The following GPHN variants were observed in gnomAD, a reference collection of about 807,000 sequenced individuals.
GPHN encodes gephyrin.
A neutral mutation model predicts 95.5 loss-of-function variants in GPHN; 17 were observed. That is an observed-to-expected ratio of 0.18 (90% confidence interval 0.12 to 0.27). The LOEUF (loss-of-function observed/expected upper bound fraction) is 0.27. Among genes scored for constraint, GPHN ranks in the 10% least tolerant of loss-of-function variants. The probability of loss-of-function intolerance (pLI) is 1.00; values close to 1 mark genes in which losing one functional copy is unlikely to be tolerated. For missense variants in GPHN, 660 were observed against 978.1 expected, an observed-to-expected ratio of 0.67 and a Z score of 4.34; for synonymous variants, 320 against 322.5, an observed-to-expected ratio of 0.99 and a Z score of 0.08.
intron 1 of GPHN, among the ~76,000 whole-genome samples, chr14:66,565,005 T>A (rs1229494152): frequency 1.3e-5 from 2 of 152,238 alleles, no homozygotes; most frequent in East Asian, 3.9e-4. Context: ...TCTTTGCCCA[T>A]GTTTTTCTCT....
At chr14:66,632,632 G>T (rs189175940) in intron 1 of GPHN, among the ~76,000 whole-genome samples, 1 of 151,482 alleles carries the variant, frequency 6.6e-6, no homozygotes, top group Non-Finnish European at 1.5e-5. Flanking sequence ...AGCTGGGACT[G>T]CAGGTCTGCG....
the GPHN span, among the ~76,000 whole-genome samples, chr14:67,382,942 A>G: frequency 1.3e-5 from 2 of 151,744 alleles, no homozygotes; most frequent in Non-Finnish European, 1.5e-5. Flanking sequence ...GGTTCCTTCT[A>G]TGGAAAGGAC....
the GPHN span, among the ~76,000 whole-genome samples, chr14:67,299,092 G>C: frequency 6.6e-6 from 1 of 152,166 alleles, no homozygotes; most frequent in Admixed American, 6.5e-5. Context: ...GTTGTTTCCT[G>C]TTTATGATTC....
chr14:67,605,355 TTTTA>T, the GPHN span, among the ~76,000 whole-genome samples: 4 of 152,282 alleles, frequency 2.6e-5, no homozygotes, highest in South Asian at 2.1e-4. Context: ...AACTCTCCCT[TTTTA>T]TTTATTTATT....
At chr14:66,654,091 T>C (rs1207843767) in intron 1 of GPHN, among the ~76,000 whole-genome samples, 1 of 152,164 alleles carries the variant, frequency 6.6e-6, no homozygotes, top group East Asian at 1.9e-4. Flanking sequence ...TTTTAGTCAC[T>C]ATTTTAAAAA....
At chr14:67,637,767 A>G in the GPHN span, among the ~76,000 whole-genome samples, 1 of 152,218 alleles carries the variant, frequency 6.6e-6, no homozygotes. Context: ...AGCAACTTTC[A>G]TATTTTGTTC....
chr14:66,657,967 G>A (rs1163782874), intron 1 of GPHN, among the ~76,000 whole-genome samples: 1 of 152,144 alleles, frequency 6.6e-6, no homozygotes, highest in African/African-American at 2.4e-5. Context: ...AGGGATTGCT[G>A]TGATAGACCT....
chr14:66,758,310 G>A (rs2058639597), intron 2 of GPHN, among the ~76,000 whole-genome samples: 1 of 152,136 alleles, frequency 6.6e-6, no homozygotes, highest in South Asian at 2.1e-4. Flanking sequence ...ATCTGCCTAG[G>A]CATTTGGCTG....
the GPHN span, chr14:67,279,263 G>A: frequency 6.2e-7 from 1 of 1,613,970 alleles, no homozygotes; most frequent in Non-Finnish European, 8.5e-7. Context: ...AACATCAGAA[G>A]CACCGAGAGA....
chr14:67,311,871 A>G, the GPHN span: 4 of 152,582 alleles, frequency 2.6e-5, no homozygotes, highest in South Asian at 8.3e-4. Flanking sequence ...AGTCGTTGAT[A>G]GTGTGCTTGT....
At chr14:67,009,204 A>G (rs546895471) in intron 9 of GPHN, among the ~76,000 whole-genome samples, 4 of 151,966 alleles carry the variant, frequency 2.6e-5, no homozygotes, top group African/African-American at 9.7e-5. Context: ...AACCCATTTC[A>G]GCCACTGAGA....
Position 66,708,447 on chromosome 14 carries a change from A to G in GPHN, c.143+27262A>G, listed in dbSNP as rs977371988. Among the ~76,000 whole-genome samples the G allele has an allele frequency of 2.0e-5, 3 of 152,178 alleles. No individual in the cohort carries two copies. In the South Asian group the frequency reaches 6.2e-4, roughly 32 times the overall value. ...ATGTGCTGTAGCTGAAAATCCTGTT[A>G]TCAGTATAAAACTTTCTTCCTGTAT... On this transcript the variant is annotated intron_variant, in intron 2 of 22. Transcript: ENST00000478722.
chr14:67,288,357 C>T, the GPHN span, among the ~76,000 whole-genome samples: 1 of 152,264 alleles, frequency 6.6e-6, no homozygotes, highest in South Asian at 2.1e-4. Flanking sequence ...GCTGGGATTA[C>T]AGGCATGACC....
intron 4 of GPHN, among the ~76,000 whole-genome samples, chr14:66,866,823 A>G (rs2063238415): frequency 6.6e-6 from 1 of 152,220 alleles, no homozygotes; most frequent in African/African-American, 2.4e-5. Flanking sequence ...TTTAAACATT[A>G]GAACCTTAGC....
chr14:67,332,983 G>C, the GPHN span: 15,154 of 1,583,210 alleles, frequency 9.6e-3, 99 homozygotes, highest in South Asian at 0.011. Context: ...GTGGCATGTT[G>C]GACTTGATCT....
chr14:67,161,710 A>T (rs986680676), intron 19 of GPHN, among the ~76,000 whole-genome samples: 1 of 151,714 alleles, frequency 6.6e-6, no homozygotes, highest in Admixed American at 6.6e-5. Flanking sequence ...CCATGATAGC[A>T]CCACTGCACT....
At chr14:67,049,869 G>A (rs2075227648) in intron 10 of GPHN, among the ~76,000 whole-genome samples, 1 of 152,164 alleles carries the variant, frequency 6.6e-6, no homozygotes, top group South Asian at 2.1e-4. Context: ...GGTGAGTCTT[G>A]AGTGGGAAGA....
At chr14:67,656,142 A>G in the GPHN span, among the ~76,000 whole-genome samples, 1 of 151,948 alleles carries the variant, frequency 6.6e-6, no homozygotes, top group Non-Finnish European at 1.5e-5. Context: ...GCTACTCAGG[A>G]GGCTGAGGCA....
chr14:66,717,224 G>T (rs1165589507), intron 2 of GPHN, among the ~76,000 whole-genome samples: 1 of 152,088 alleles, frequency 6.6e-6, no homozygotes, highest in East Asian at 1.9e-4. Context: ...TTGTAGGATT[G>T]AGTTCATTTG....
Sources: allele counts gnomAD v4.1 joint callset (sites outside exome capture counted in the v4.1 genomes callset), GRCh38; gene constraint gnomAD v4.1.1; transcripts MANE v1.5; gene names NCBI Gene and HGNC (gene_info 2026-07-23, HGNC 2026-07-21).